FGF13: variants seen among roughly 807,000 people sequenced by gnomAD.
FGF13 encodes the protein fibroblast growth factor homologous factor 2.
In FGF13, 2 loss-of-function variants were observed where a neutral mutation model predicts 19.5. The ratio of observed to expected loss-of-function variants is 0.10; its 90% CI spans 0.04 to 0.32. FGF13 has a LOEUF of 0.32. Ranked by LOEUF, FGF13 falls within the 10% of genes least tolerant of loss-of-function variation. The pLI, the probability that FGF13 is intolerant of heterozygous loss-of-function variation, is 1.00. For missense variants in FGF13, 113 were observed against 192.7 expected, an observed-to-expected ratio of 0.59 and a Z score of 2.45; for synonymous variants, 72 against 76.9, an observed-to-expected ratio of 0.94 and a Z score of 0.33.
chrX:138,654,779 A>AC (rs2124138005), intron 3 of FGF13, among the ~76,000 whole-genome samples: 1 of 110,822 alleles, frequency 9.0e-6, no homozygotes, highest in African/African-American at 3.3e-5. Context: ...ATACATACAT[A>AC]AATAGCGGGG....
At chrX:139,193,369 C>G (rs1469151490) in intron 1 of FGF13, among the ~76,000 whole-genome samples, 1 of 112,157 alleles carries the variant, frequency 8.9e-6, no homozygotes, top group East Asian at 2.8e-4. Flanking sequence ...TTTACAGAAA[C>G]CTACGATGGA....
In FGF13 at chrX:138,647,219, GAAAAA is replaced by G. The variant is rs10543925; in HGVS notation, c.403-11569_403-11565del. ...TGCTTAATGCACATCCATCTCTGGG[GAAAAA>G]AAAAAAAAAAAAAAAGGAAATCCAG... On this transcript the variant is annotated intron_variant, in intron 3 of 4. Coordinates refer to ENST00000315930, the MANE Select transcript of FGF13 (RefSeq NM_004114.5). Among the ~76,000 whole-genome samples, 14 of 59,118 alleles carry G rather than the reference GAAAAA, an allele frequency of 2.4e-4. No individual in the cohort carries two copies. The Admixed American group carries it at 3.0e-3, about 13-fold the overall frequency. 51.3% of individuals were successfully genotyped at this position (59,118 alleles called of 115,157 possible). A position where few individuals can be genotyped will look rare whatever the true frequency, so the allele number is the denominator to read the frequency against.
At position 139,031,712 on chromosome X, in the gene FGF13, CA is replaced by C. The variant is rs373666313; in HGVS notation, c.-112-167063del. On this transcript the variant is annotated intron_variant, in intron 1 of 2. Transcript: ENST00000421460. ...ATTGGGCAGTTCTAAAGATCGGGGT[CA>C]AAAAAAAAAAAAACCAAACAAACAT... Among the ~76,000 whole-genome samples the C allele has an allele frequency of 7.4e-3, 553 of 74,438 alleles. 4 individuals are homozygous for C. The highest frequency in any genetic ancestry group is 0.022 in the African/African-American group (441 of 20,278). 64.6% of individuals were successfully genotyped at this position (74,438 alleles called of 115,157 possible).
At chrX:138,843,352 CAT>C (rs749520386) in intron 3 of FGF13, among the ~76,000 whole-genome samples, 1 of 112,366 alleles carries the variant, frequency 8.9e-6, no homozygotes, top group East Asian at 2.8e-4. Flanking sequence ...GGTTAGCTCA[CAT>C]GTTCCACTAT....
At chrX:138,802,046 C>T (rs1006073682) in intron 3 of FGF13, among the ~76,000 whole-genome samples, 2 of 112,449 alleles carry the variant, frequency 1.8e-5, no homozygotes, top group Non-Finnish European at 3.8e-5. Flanking sequence ...CTGAGTGAGA[C>T]CACTTGGCTC....
At chrX:139,003,970 G>T in intron 1 of FGF13, among the ~76,000 whole-genome samples, 1 of 112,592 alleles carries the variant, frequency 8.9e-6, no homozygotes. Flanking sequence ...TCACCGAGTG[G>T]ATCCTGCACC....
At chrX:138,782,208 C>A (rs1431687629) in intron 3 of FGF13, among the ~76,000 whole-genome samples, 7 of 112,155 alleles carry the variant, frequency 6.2e-5, no homozygotes, top group African/African-American at 2.3e-4. Flanking sequence ...TATCATACTG[C>A]CTGGGCAAAA....
chrX:139,046,284 T>C (rs2092287013), intron 1 of FGF13, among the ~76,000 whole-genome samples: 1 of 111,383 alleles, frequency 9.0e-6, no homozygotes, highest in African/African-American at 3.3e-5. Flanking sequence ...GAACTCACTA[T>C]AACAAAGTCA....
At chrX:138,961,525 CT>C (rs1321751732) in intron 1 of FGF13, among the ~76,000 whole-genome samples, 32 of 111,871 alleles carry the variant, frequency 2.9e-4, no homozygotes, top group African/African-American at 9.4e-4. Flanking sequence ...CTCTTCAAAG[CT>C]GTCAGACAGG....
chrX:139,086,767 T>C (rs1603192312), intron 1 of FGF13, among the ~76,000 whole-genome samples: 1 of 112,452 alleles, frequency 8.9e-6, no homozygotes, highest in South Asian at 3.6e-4. Flanking sequence ...AAAATAAAAA[T>C]TAAGTCACCA....
At chrX:139,159,456 A>G (rs2084008728) in intron 1 of FGF13, among the ~76,000 whole-genome samples, 1 of 111,413 alleles carries the variant, frequency 9.0e-6, no homozygotes, top group African/African-American at 3.3e-5. Context: ...TCATAATGAC[A>G]GGATCAAATT....
intron 1 of FGF13, among the ~76,000 whole-genome samples, chrX:138,928,439 G>T (rs149578853): frequency 0.021 from 2,378 of 110,693 alleles, 57 homozygotes; most frequent in African/African-American, 0.075. Flanking sequence ...TATCTAGAGA[G>T]GTGAGAGTTA....
downstream of FGF13, among the ~76,000 whole-genome samples, chrX:138,855,084 A>G (rs1020446458): frequency 1.8e-5 from 2 of 112,035 alleles, no homozygotes; most frequent in Non-Finnish European, 1.9e-5. Flanking sequence ...ACCGAACACT[A>G]TAACTTACGG....
At chrX:138,755,920 G>A (rs929207445) in intron 3 of FGF13, among the ~76,000 whole-genome samples, 1 of 112,007 alleles carries the variant, frequency 8.9e-6, no homozygotes, top group South Asian at 3.7e-4. Context: ...AGGTGATTAA[G>A]TTAAAATGAG....
At chrX:139,046,195 C>T (rs2092286651) in intron 1 of FGF13, among the ~76,000 whole-genome samples, 1 of 111,074 alleles carries the variant, frequency 9.0e-6, no homozygotes, top group Admixed American at 9.6e-5. Flanking sequence ...AGAACAGACA[C>T]GTCATGCGGC....
At chrX:138,795,905 T>A (rs1038787066) in intron 3 of FGF13, among the ~76,000 whole-genome samples, 3 of 111,524 alleles carry the variant, frequency 2.7e-5, no homozygotes, top group African/African-American at 9.8e-5. Context: ...ATCACTGAGG[T>A]TGGTGAAGTG....
Position 139,029,088 on chromosome X carries a change from G to T in FGF13, c.-112-164438C>A, listed in dbSNP as rs752106285. On this transcript the variant is annotated intron_variant, in intron 1 of 2. Coordinates refer to the FGF13 transcript ENST00000421460. The stretch of plus-strand genomic sequence containing the variant: ...GGAGACAGAAATATCAATCTCACAG[G>T]ATTATTATATGTAGCAATGAATGGC... 6.3e-5 allele frequency among the ~76,000 whole-genome samples: 7 copies of T among 110,981 alleles called. No individual in the cohort carries two copies. In the South Asian group the frequency reaches 2.7e-3, roughly 43 times the overall value.
At chrX:139,031,756 G>A (rs191893523) in intron 1 of FGF13, among the ~76,000 whole-genome samples, 2 of 109,003 alleles carry the variant, frequency 1.8e-5, no homozygotes, top group African/African-American at 6.6e-5. Context: ...AAGTTTGTAT[G>A]GTAAATCAAG....
chrX:139,059,169 A>C (rs2092328288), intron 1 of FGF13, among the ~76,000 whole-genome samples: 1 of 111,371 alleles, frequency 9.0e-6, no homozygotes, highest in African/African-American at 3.3e-5. Flanking sequence ...CTAGGTGATT[A>C]GAATAACCAC....
Sources: gnomAD v4.1 joint callset for allele counts (sites outside exome capture counted in the v4.1 genomes callset) on GRCh38, gnomAD v4.1.1 for gene constraint, MANE v1.5 for transcripts, NCBI Gene and HGNC (gene_info 2026-07-23, HGNC 2026-07-21) for gene names.